MARF1: variants seen among roughly 807,000 people sequenced by gnomAD.
MARF1 encodes meiosis regulator and mRNA stability factor 1.
A neutral mutation model predicts 168.2 loss-of-function variants in MARF1; 24 were observed. The ratio of observed to expected loss-of-function variants is 0.14; its 90% CI spans 0.10 to 0.20. The LOEUF is 0.20. Ranked by LOEUF, MARF1 falls within the 10% of genes least tolerant of loss-of-function variation. The probability of loss-of-function intolerance (pLI) is 1.00; values close to 1 mark genes in which losing one functional copy is unlikely to be tolerated. For missense variants in MARF1, 1,744 were observed against 2,143.6 expected (o/e 0.81, Z 3.68); for synonymous variants, 868 against 822.4 (o/e 1.06, Z -0.95).
intron 22 of MARF1, among the ~76,000 whole-genome samples, chr16:15,603,822 C>T (rs763489627): frequency 3.9e-5 from 6 of 152,198 alleles, no homozygotes; most frequent in Non-Finnish European, 7.3e-5. Context: ...TCTCTCTCTT[C>T]AAGCCACCAC....
At chr16:15,601,208 G>A (rs541996854) in intron 23 of MARF1, 4 of 389,410 alleles carry the variant, frequency 1.0e-5, no homozygotes, top group East Asian at 7.2e-5. Context: ...GCACACCGTC[G>A]CCAGGTCACT....
intron 21 of MARF1, among the ~76,000 whole-genome samples, chr16:15,606,742 G>A (rs1315860428): frequency 2.6e-5 from 4 of 151,780 alleles, no homozygotes; most frequent in South Asian, 4.2e-4. Context: ...ACCCCTTCTC[G>A]CCCTTGTATG....
At chr16:15,614,710 G>A (rs1487593027) in intron 16 of MARF1, among the ~76,000 whole-genome samples, 1 of 150,310 alleles carries the variant, frequency 6.7e-6, no homozygotes, top group Non-Finnish European at 1.5e-5. Context: ...GGGGAATGGC[G>A]TGAACTCAGG....
At position 15,596,954 on chromosome 16, in the gene MARF1, G is replaced by C. The variant is rs376635448; in HGVS notation, c.4985-17C>G. 5.5e-5 allele frequency: 88 copies of C among 1,586,710 alleles called. No homozygotes were observed. The highest frequency in any genetic ancestry group is 6.9e-5 in the Non-Finnish European group (80 of 1,162,014). On this transcript the variant is annotated splice_polypyrimidine_tract_variant and intron_variant, in intron 26 of 26. Transcript: ENST00000396368. Reference sequence around the variant, plus strand: ...TCATAATTTCTGTAAACACAGAAAAGCAAACAGATTCAGATCCAGGAACTG... The same window carrying C: ...TCATAATTTCTGTAAACACAGAAAACCAAACAGATTCAGATCCAGGAACTG...
Position 15,625,319 on chromosome 16 carries a change from G to T in MARF1, c.1953+53C>A, listed in dbSNP as rs1050423726. On this transcript the variant is annotated intron_variant, in intron 8 of 26. Coordinates refer to ENST00000396368, the MANE Select transcript of MARF1 (RefSeq NM_014647.4). ...AAAGCAAGCGGGCACGTAAAACACA[G>T]AAACAAACCAAACCTACCATAAACT... 3.2e-6 allele frequency: 5 copies of T among 1,559,698 alleles called. No homozygotes were observed. In the African/African-American group the frequency reaches 6.9e-5, roughly 21 times the overall value.
chr16:15,609,428 C>T (rs2033320855), intron 20 of MARF1, 95 bp downstream of exon 20: 2 of 999,222 alleles, frequency 2.0e-6, no homozygotes, highest in East Asian at 5.2e-5. Flanking sequence ...TTCGTAACTC[C>T]CTACTTCCCA....
At chr16:15,616,929 A>G in intron 15 of MARF1, 123 bp downstream of exon 15, 1 of 1,373,186 alleles carries the variant, frequency 7.3e-7, no homozygotes. Flanking sequence ...ACTGAAGGCT[A>G]AACACATGAG....
At chr16:15,599,154 T>TA (rs565989147) in intron 25 of MARF1, 130 bp from the exon 26 acceptor site, 51,275 of 295,724 alleles carry the variant, frequency 0.17, 1,106 homozygotes, top group South Asian at 0.2. Flanking sequence ...TTTAAGGTAT[T>TA]AAAAAAAAAA....
intron 6 of MARF1, among the ~76,000 whole-genome samples, chr16:15,630,946 C>G (rs1430425793): frequency 6.6e-6 from 1 of 151,918 alleles, no homozygotes; most frequent in Admixed American, 6.6e-5. Context: ...GCCTGACCAA[C>G]TGGAGAAACC....
At chr16:15,621,622 T>G (rs1047973705) in intron 12 of MARF1, 111 bp downstream of exon 12, 2 of 1,003,588 alleles carry the variant, frequency 2.0e-6, no homozygotes, top group Non-Finnish European at 1.5e-6. Context: ...TTATTCCACA[T>G]GCAATCATCA....
intron 18 of MARF1, 38 bp from the exon 19 acceptor site, chr16:15,611,146 G>T: frequency 3.1e-6 from 5 of 1,600,078 alleles, no homozygotes; most frequent in Non-Finnish European, 4.3e-6. Flanking sequence ...GGAATGAGTA[G>T]TATCATCGGT....
chr16:15,612,176 T>C (rs538623419), intron 17 of MARF1, among the ~76,000 whole-genome samples: 1 of 152,318 alleles, frequency 6.6e-6, no homozygotes, highest in African/African-American at 2.4e-5. Context: ...TGTCTCCAAC[T>C]AGTTAAATTT....
chr16:15,618,370 TCA>T (rs1267581263), intron 13 of MARF1, among the ~76,000 whole-genome samples: 1 of 152,178 alleles, frequency 6.6e-6, no homozygotes, highest in African/African-American at 2.4e-5. Context: ...ACTCTCATTC[TCA>T]GTCTCGTACT....
chr16:15,596,587 T>C lies in MARF1; in HGVS notation c.*106A>G. The C allele has an allele frequency of 2.5e-6, 3 of 1,211,526 alleles. No individual in the cohort carries two copies. Among genetic ancestry groups the C allele is most frequent in the Non-Finnish European group, 3.4e-6 (3 of 886,620 alleles). The allele number at this position is 1,211,526 out of a possible 1,614,324, so 75.0% of individuals were successfully genotyped here. On this transcript the variant is annotated 3_prime_UTR_variant, in exon 27 of 27. Transcript: ENST00000396368. The stretch of plus-strand genomic sequence containing the variant: ...ACACAGGTAAGATGAAGTCAATGGC[T>C]TCGGGGGGTTTTCATGACACAGAAA...
In MARF1 at chr16:15,635,920, T is replaced by A. The variant is rs748750651; in HGVS notation, c.567A>T (p.Lys189Asn). 6.2e-7 allele frequency: 1 copy of A among 1,614,108 alleles called. No individual in the cohort carries two copies. The highest frequency in any genetic ancestry group is 1.1e-5 in the South Asian group (1 of 91,076). ...MCLESNLSSC[K>N]HLPCCGKLHF... is the part of the protein sequence containing the mutation. ...GGAGTTTTCCACAACAGGGCAGGTG[T>A]TTGCAGGAAGACAGGTTACTCTCTA... The change falls in exon 3 of 27, where the codon AAA (lysine) becomes AAT (asparagine). Residue 189 changes from lysine (K) to asparagine (N), a missense_variant. By Grantham distance (94) the Lys-to-Asn change is moderately conservative (BLOSUM62 0). This residue lies in a region of MARF1 where 318 missense variants were observed against 336.6 expected (regional missense o/e 0.94). Coordinates refer to ENST00000396368, the MANE Select transcript of MARF1 (RefSeq NM_014647.4).
chr16:15,612,868 C>T (rs996311105), intron 16 of MARF1, 91 bp from the exon 17 acceptor site: 11 of 1,062,038 alleles, frequency 1.0e-5, no homozygotes, highest in African/African-American at 1.6e-5. Context: ...GGCTTGAGTT[C>T]GATCATGGGG....
intron 16 of MARF1, among the ~76,000 whole-genome samples, chr16:15,615,500 C>T (rs1596467487): frequency 6.6e-6 from 1 of 152,106 alleles, no homozygotes; most frequent in African/African-American, 2.4e-5. Context: ...TGGCTGGTGC[C>T]TGTAGTCCCA....
At chr16:15,604,509 T>G in intron 21 of MARF1, 111 bp from the exon 22 acceptor site, 1 of 703,968 alleles carries the variant, frequency 1.4e-6, no homozygotes, top group Non-Finnish European at 2.4e-6. Context: ...GAAAAATCTC[T>G]AATTTTTTTC....
At chr16:15,617,199 C>A (rs1412146653) in intron 14 of MARF1, 28 bp from the exon 15 acceptor site, 10 of 1,612,692 alleles carry the variant, frequency 6.2e-6, no homozygotes, top group Non-Finnish European at 8.5e-6. Flanking sequence ...CAATTGGAAG[C>A]TGACATTCCG....
Sources: gnomAD v4.1 joint callset for allele counts (sites outside exome capture counted in the v4.1 genomes callset) on GRCh38, gnomAD v4.1.1 for gene constraint, gnomAD v4.1.1 regional missense constraint, MANE v1.5 for transcripts, NCBI Gene and HGNC (gene_info 2026-07-23, HGNC 2026-07-21) for gene names.